KCNG3: variants seen among roughly 807,000 people sequenced by gnomAD.
KCNG3 encodes voltage-gated potassium channel regulatory subunit KCNG3.
In KCNG3, 15 loss-of-function variants were observed where a neutral mutation model predicts 29.0. The observed-to-expected ratio is 0.52, with a 90% CI of 0.35 to 0.80. KCNG3 has a LOEUF of 0.80. Among genes scored for constraint, KCNG3 ranks in the 30% least tolerant of loss-of-function variants. The probability of loss-of-function intolerance (pLI) is 0.01; values close to 1 mark genes in which losing one functional copy is unlikely to be tolerated. For missense variants in KCNG3, 512 were observed against 605.7 expected (o/e 0.85, Z 1.62); for synonymous variants, 322 against 248.9 (o/e 1.29, Z -2.76).
At chr2:42,482,268 G>T (rs1204407468) in intron 1 of KCNG3, among the ~76,000 whole-genome samples, 1 of 152,206 alleles carries the variant, frequency 6.6e-6, no homozygotes, top group Non-Finnish European at 1.5e-5. Context: ...AAACCAACTT[G>T]CAATTGATTT....
At chr2:42,420,265 A>G in the KCNG3 span, among the ~76,000 whole-genome samples, 2 of 152,042 alleles carry the variant, frequency 1.3e-5, no homozygotes. Flanking sequence ...ATAAAAGAGG[A>G]CTCAGTGTTA....
the KCNG3 span, among the ~76,000 whole-genome samples, chr2:42,395,660 G>C: frequency 1.3e-5 from 2 of 152,238 alleles, no homozygotes; most frequent in East Asian, 3.9e-4. Flanking sequence ...GTTGTAAATT[G>C]AAAATACATT....
intron 1 of KCNG3, among the ~76,000 whole-genome samples, chr2:42,487,743 C>CCAAT: frequency 6.6e-6 from 1 of 152,210 alleles, no homozygotes; most frequent in African/African-American, 2.4e-5. Flanking sequence ...CTCCTTTGAC[C>CCAAT]CAATGATTTA....
chr2:42,400,276 AG>A, the KCNG3 span, among the ~76,000 whole-genome samples: 15 of 152,216 alleles, frequency 9.9e-5, no homozygotes, highest in Non-Finnish European at 1.6e-4. Context: ...CCATCTGTCA[AG>A]GTCAAGGGAC....
chr2:42,402,277 G>T, the KCNG3 span, among the ~76,000 whole-genome samples: 1 of 152,192 alleles, frequency 6.6e-6, no homozygotes, highest in African/African-American at 2.4e-5. Context: ...ACAGCATATC[G>T]TGGGGCTTTT....
chr2:42,397,614 A>G, the KCNG3 span, among the ~76,000 whole-genome samples: 43,087 of 152,166 alleles, frequency 0.28, 6,603 homozygotes, highest in East Asian at 0.57. Flanking sequence ...TATAAAGGTG[A>G]CACACATCTT....
chr2:42,426,086 T>A, the KCNG3 span, among the ~76,000 whole-genome samples: 1 of 152,206 alleles, frequency 6.6e-6, no homozygotes, highest in African/African-American at 2.4e-5. Flanking sequence ...TTATAAAATA[T>A]TATTTCCTTA....
At chr2:42,452,234 TA>T (rs2103674380) in intron 1 of KCNG3, among the ~76,000 whole-genome samples, 3 of 69,320 alleles carry the variant, frequency 4.3e-5, no homozygotes, top group African/African-American at 1.2e-4. Context: ...TATATATATA[TA>T]TATATATATT....
At chr2:42,471,465 T>G (rs951201923) in intron 1 of KCNG3, among the ~76,000 whole-genome samples, 1 of 152,108 alleles carries the variant, frequency 6.6e-6, no homozygotes, top group East Asian at 1.9e-4. Flanking sequence ...TGGAGATAGA[T>G]AGCAGATGGT....
chr2:42,394,801 T>C, the KCNG3 span, among the ~76,000 whole-genome samples: 2 of 152,214 alleles, frequency 1.3e-5, no homozygotes, highest in African/African-American at 2.4e-5. Context: ...GCACATGTTG[T>C]CACGACCTCC....
chr2:42,410,353 G>A, the KCNG3 span, among the ~76,000 whole-genome samples: 4 of 152,266 alleles, frequency 2.6e-5, no homozygotes, highest in East Asian at 1.9e-4. Flanking sequence ...AGGGATACAC[G>A]CATTTGCAAT....
the KCNG3 span, chr2:42,413,600 C>T: frequency 6.6e-6 from 1 of 152,154 alleles, no homozygotes; most frequent in African/African-American, 2.4e-5. Context: ...AGTCCGTTCT[C>T]ACACTGCTAT....
the KCNG3 span, among the ~76,000 whole-genome samples, chr2:42,432,602 T>G: frequency 1.3e-5 from 2 of 151,934 alleles, no homozygotes; most frequent in African/African-American, 2.4e-5. Context: ...AAAAAAGAGG[T>G]ATTACAATAA....
chr2:42,407,106 A>G, the KCNG3 span, among the ~76,000 whole-genome samples: 1 of 151,738 alleles, frequency 6.6e-6, no homozygotes, highest in Non-Finnish European at 1.5e-5. Flanking sequence ...ATGCTTCTAT[A>G]CAAATCTACC....
At chr2:42,492,380 G>C (rs1341016728) in intron 1 of KCNG3, among the ~76,000 whole-genome samples, 1 of 152,198 alleles carries the variant, frequency 6.6e-6, no homozygotes, top group Non-Finnish European at 1.5e-5. Flanking sequence ...AGAGTGTATA[G>C]AATGTGTGGA....
At position 42,447,083 on chromosome 2, in the gene KCNG3, C is replaced by CA. The variant is rs201848467; in HGVS notation, c.666-2505dup. On this transcript the variant is annotated intron_variant, in intron 1 of 1. Transcript: ENST00000306078. ...TGTGTGACAGACAGCAAACCTGCCT[C>CA]AAAAAAAAAAAGGGATGAGGAAGGG... Among the ~76,000 whole-genome samples the CA allele has an allele frequency of 4.9e-3, 562 of 113,860 alleles. 31 individuals carry two copies. Among genetic ancestry groups the CA allele is most frequent in the Middle Eastern group, 0.027 (5 of 188 alleles). The allele number at this position is 113,860 out of a possible 152,430, so 74.7% of individuals were successfully genotyped here.
chr2:42,474,223 G>C (rs943064886), intron 1 of KCNG3, among the ~76,000 whole-genome samples: 1 of 150,844 alleles, frequency 6.6e-6, no homozygotes, highest in African/African-American at 2.4e-5. Flanking sequence ...AGTTCATCTC[G>C]GAGAGAAAAA....
downstream of KCNG3, among the ~76,000 whole-genome samples, chr2:42,440,858 C>T (rs895076175): frequency 4.6e-5 from 7 of 152,118 alleles, no homozygotes; most frequent in African/African-American, 7.2e-5. Context: ...GAATACAAAA[C>T]AAGTTACATA....
chr2:42,421,649 G>A, the KCNG3 span, among the ~76,000 whole-genome samples: 2 of 152,148 alleles, frequency 1.3e-5, no homozygotes, highest in Non-Finnish European at 2.9e-5. Context: ...GGGGCCAGCT[G>A]TGGGCCCCAT....
Sources: allele counts gnomAD v4.1 joint callset (sites outside exome capture counted in the v4.1 genomes callset), GRCh38; gene constraint gnomAD v4.1.1; transcripts MANE v1.5; gene names NCBI Gene and HGNC (gene_info 2026-07-23, HGNC 2026-07-21).